Variants in SH3TC2 observed in about 807,000 individuals in gnomAD.
The protein encoded by SH3TC2 is SH3 domain and tetratricopeptide repeat-containing protein 2.
A neutral mutation model predicts 124.5 loss-of-function variants in SH3TC2; 87 were observed. The ratio of observed to expected loss-of-function variants is 0.70; its 90% CI spans 0.59 to 0.84. The LOEUF (loss-of-function observed/expected upper bound fraction) is 0.84, where lower values mean the gene tolerates loss of function less well. SH3TC2 is among the 40% of genes least tolerant of loss of function. The pLI is 0.00. For synonymous variants in SH3TC2, 634 were observed against 628.5 expected, an observed-to-expected ratio of 1.01 and a Z score of -0.13; for missense variants, 1,536 against 1,566.4, an observed-to-expected ratio of 0.98 and a Z score of 0.33.
chr5:149,007,633 T>C (rs551722275), intron 15 of SH3TC2: 67 of 195,174 alleles, frequency 3.4e-4, no homozygotes, highest in African/African-American at 1.2e-3. Context: ...TCAGATAAGC[T>C]ACAAACACCT....
rs553183305 is a variant in SH3TC2, at chr5:148,996,620, G to C, written c.*8091C>G. Among the ~76,000 whole-genome samples the C allele has an allele frequency of 2.6e-5, 4 of 152,332 alleles. No homozygotes were observed. The South Asian group carries it at 8.3e-4, about 32-fold the overall frequency. On this transcript the variant is annotated 3_prime_UTR_variant, in exon 17 of 17. Transcript: ENST00000515425. ...GCAGATGTAGCCATTGTCACTGCTTGCTGTCTGGTACAATGTTCAAAGAAT... is the reference window on the plus strand; with the variant it reads ...GCAGATGTAGCCATTGTCACTGCTTCCTGTCTGGTACAATGTTCAAAGAAT...
chr5:149,026,795 G>A, intron 11 of SH3TC2, 43 bp from the exon 12 acceptor site: 6 of 1,614,150 alleles, frequency 3.7e-6, no homozygotes, highest in Non-Finnish European at 5.1e-6. Flanking sequence ...CTTGAGATAG[G>A]AAATGGATAA....
At chr5:149,062,312 G>A (rs368429998) in intron 1 of SH3TC2, 13 of 528,114 alleles carry the variant, frequency 2.5e-5, no homozygotes, top group South Asian at 1.4e-4. Context: ...AAAGCAAGAA[G>A]GTTGCTTCAG....
In SH3TC2 at chr5:148,992,269, T is replaced by C. The variant is rs56848629; in HGVS notation, c.*12442A>G. On this transcript the variant is annotated 3_prime_UTR_variant, in exon 17 of 17. Coordinates refer to ENST00000515425, the MANE Select transcript of SH3TC2 (RefSeq NM_024577.4). The stretch of plus-strand genomic sequence containing the variant: ...AGTGGGGATTTTTACCCAGGTAGCA[T>C]AATCCCAAGGTTTATGCTCTTAACC... Among the ~76,000 whole-genome samples the C allele has an allele frequency of 0.22, 33,786 of 152,196 alleles. 4,184 individuals carry two copies. The highest frequency in any genetic ancestry group is 0.3 in the African/African-American group (12,280 of 41,504).
intron 1 of SH3TC2, among the ~76,000 whole-genome samples, chr5:149,055,690 C>T (rs938157700): frequency 2.6e-5 from 4 of 152,096 alleles, no homozygotes; most frequent in African/African-American, 9.7e-5. Flanking sequence ...ATATTCAGAA[C>T]AGCACTATTT....
intron 9 of SH3TC2, among the ~76,000 whole-genome samples, chr5:149,029,148 T>C (rs1580902125): frequency 1.3e-5 from 2 of 152,274 alleles, no homozygotes; most frequent in South Asian, 2.1e-4. Context: ...TGGGAGCACA[T>C]GGTGCTGCCT....
intron 5 of SH3TC2, among the ~76,000 whole-genome samples, chr5:149,042,382 CA>C (rs2127400859): frequency 6.6e-6 from 1 of 152,248 alleles, no homozygotes; most frequent in Non-Finnish European, 1.5e-5. Flanking sequence ...GAAAACTTTC[CA>C]AAATATGCCA....
In SH3TC2 at chr5:149,028,341, G is replaced by T; in HGVS notation, c.1391C>A (p.Ala464Asp). 6.2e-7 allele frequency: 1 copy of T among 1,614,118 alleles called. No homozygotes were observed. Among genetic ancestry groups the T allele is most frequent in the Non-Finnish European group, 8.5e-7 (1 of 1,180,024 alleles). ...AGCCAATATGGGGGCGAAGTTCTCA[G>T]CCTCCTCCTCCTGACCAGTGCTTAG... ...MDLSTGQEEEAENFAPILAFL... is the reference protein window; with the variant it reads ...MDLSTGQEEEDENFAPILAFL... The change falls in exon 11 of 17, where the codon GCT becomes GAT. Residue 464 changes from alanine to aspartate, a missense_variant. Transcript: ENST00000515425.
rs569137635 is a variant in SH3TC2 at position 148,984,440 on chromosome 5, T to C, written c.*20271A>G. ...ATAAATACCAACTCCACTTGACTTATAGTGACTTCCTGAAGAACTATATTG... is the reference window on the plus strand; with the variant it reads ...ATAAATACCAACTCCACTTGACTTACAGTGACTTCCTGAAGAACTATATTG... On this transcript the variant is annotated 3_prime_UTR_variant, in exon 17 of 17. Coordinates refer to ENST00000515425, the MANE Select transcript of SH3TC2 (RefSeq NM_024577.4). Among the ~76,000 whole-genome samples the C allele has an allele frequency of 2.0e-5, 3 of 152,158 alleles. No individual in the cohort carries two copies. Among genetic ancestry groups the C allele is most frequent in the Non-Finnish European group, 2.9e-5 (2 of 68,034 alleles).
intron 12 of SH3TC2, among the ~76,000 whole-genome samples, chr5:149,016,277 A>G (rs952513626): frequency 2.0e-5 from 3 of 152,200 alleles, no homozygotes; most frequent in African/African-American, 7.2e-5. Context: ...TAACTTTCAG[A>G]GTCTGACCCA....
Position 149,057,815 on chromosome 5 carries a change from T to C in SH3TC2, c.52+5156A>G, listed in dbSNP as rs115220677. On this transcript the variant is annotated intron_variant, in intron 1 of 16. Coordinates refer to ENST00000515425, the MANE Select transcript of SH3TC2 (RefSeq NM_024577.4). ...GTGACCCATGTGAACCCAGTCTATG[T>C]AGTCTATATGGAGCTGACTCTCTCC... Among the ~76,000 whole-genome samples the C allele has an allele frequency of 8.4e-3, 1,284 of 152,302 alleles. 11 individuals are homozygous for C. The highest frequency in any genetic ancestry group is 0.029 in the African/African-American group (1,212 of 41,554).
At position 149,027,449 on chromosome 5, in the gene SH3TC2, G is replaced by A; in HGVS notation, c.2283C>T (p.Leu761=). 5.6e-6 allele frequency: 9 copies of A among 1,614,182 alleles called. No individual in the cohort carries two copies. The highest frequency in any genetic ancestry group is 7.6e-6 in the Non-Finnish European group (9 of 1,180,050). ...GCTCGAGGTACACTTTGGAAAGGAT[G>A]AGACACAGGGCCCTCTGGGTGCTCC... is the stretch of plus-strand genomic sequence containing the variant. ...ADRSTQRALC[L]ILSKVYLEHR... Residue 761 remains leucine (L), a synonymous_variant, in exon 11 of 17, where the codon CTC becomes CTT. Transcript: ENST00000515425.
In SH3TC2 at chr5:148,995,091, C is replaced by A. The variant is rs1219433923; in HGVS notation, c.*9620G>T. Among the ~76,000 whole-genome samples the A allele has an allele frequency of 6.6e-6, 1 of 152,110 alleles. No individual in the cohort carries two copies. Among genetic ancestry groups the A allele is most frequent in the African/African-American group, 2.4e-5 (1 of 41,418 alleles). Reference sequence around the variant, plus strand: ...TTGGTGCAATAAGGCTTATATAAGCCAAGGTCCCTGCTCCCTAGATTTTCT... The same window carrying A: ...TTGGTGCAATAAGGCTTATATAAGCAAAGGTCCCTGCTCCCTAGATTTTCT... On this transcript the variant is annotated 3_prime_UTR_variant, in exon 17 of 17. Coordinates refer to ENST00000515425, the MANE Select transcript of SH3TC2 (RefSeq NM_024577.4).
chr5:149,052,277 T>G, intron 1 of SH3TC2, 37 bp from the exon 2 acceptor site: 1 of 1,526,044 alleles, frequency 6.6e-7, no homozygotes, highest in Non-Finnish European at 9.1e-7. Context: ...CTTAAGAGTG[T>G]AAGGAAGTTG....
intron 7 of SH3TC2, among the ~76,000 whole-genome samples, chr5:149,040,131 C>T (rs1295372581): frequency 1.3e-5 from 2 of 152,058 alleles, no homozygotes; most frequent in Non-Finnish European, 2.9e-5. Flanking sequence ...ATTTATTCAA[C>T]AAATTTTTAC....
intron 5 of SH3TC2, among the ~76,000 whole-genome samples, chr5:149,042,311 T>A (rs573509920): frequency 1.8e-4 from 27 of 152,342 alleles, no homozygotes; most frequent in African/African-American, 6.5e-4. Context: ...TATTTTACAA[T>A]CAAATTTTAT....
At chr5:149,020,727 G>A (rs1469309144) in intron 12 of SH3TC2, among the ~76,000 whole-genome samples, 8 of 152,118 alleles carry the variant, frequency 5.3e-5, no homozygotes, top group Non-Finnish European at 1.2e-4. Context: ...ATTTTATAAT[G>A]ATAATAGACT....
In SH3TC2 at chr5:149,003,811, A is replaced by G. The variant is rs550971173; in HGVS notation, c.*900T>C. On this transcript the variant is annotated 3_prime_UTR_variant, in exon 17 of 17. Coordinates refer to ENST00000515425, the MANE Select transcript of SH3TC2 (RefSeq NM_024577.4). ...GGTCGCAGGAAGCCCTGACTGTACC[A>G]CTGAACTCCAGCCTGGGCAACAGAG... 2.4e-6 allele frequency: 1 copy of G among 421,958 alleles called. No homozygotes were observed. The highest frequency in any genetic ancestry group is 1.7e-5 in the South Asian group (1 of 60,206). The allele number at this position is 421,958 out of a possible 1,614,324, so 26.1% of individuals were successfully genotyped here.
At position 148,984,887 on chromosome 5, in the gene SH3TC2, T is replaced by G. The variant is rs901351407; in HGVS notation, c.*19824A>C. On this transcript the variant is annotated 3_prime_UTR_variant, in exon 17 of 17. Transcript: ENST00000515425. ...ATTTGTAATCTGCAAATAGTCAAAGTGAGCAATGATGCCAAAAAGCATAAT... is the reference window on the plus strand; with the variant it reads ...ATTTGTAATCTGCAAATAGTCAAAGGGAGCAATGATGCCAAAAAGCATAAT... Among the ~76,000 whole-genome samples the G allele has an allele frequency of 2.0e-5, 3 of 152,180 alleles. No homozygotes were observed. Among genetic ancestry groups the G allele is most frequent in the Non-Finnish European group, 4.4e-5 (3 of 68,032 alleles).
Sources: gnomAD v4.1 joint callset for allele counts (sites outside exome capture counted in the v4.1 genomes callset) on GRCh38, gnomAD v4.1.1 for gene constraint, MANE v1.5 for transcripts, NCBI Gene and HGNC (gene_info 2026-07-23, HGNC 2026-07-21) for gene names.